Variants in SLF2 observed in about 807,000 individuals in gnomAD.
SLF2 encodes the protein SMC5-SMC6 complex localization factor protein 2.
In SLF2, 68 loss-of-function variants were observed where a neutral mutation model predicts 124.3. That is an observed-to-expected ratio of 0.55 (90% CI 0.45 to 0.67). The LOEUF (loss-of-function observed/expected upper bound fraction) is 0.67, where lower values mean the gene tolerates loss of function less well. Among genes scored for constraint, SLF2 ranks in the 30% least tolerant of loss-of-function variants. The pLI, the probability that SLF2 is intolerant of heterozygous loss-of-function variation, is 0.00. For synonymous variants in SLF2, 480 were observed against 478.8 expected (o/e 1.00, Z -0.03); for missense variants, 1,246 against 1,373.7 (o/e 0.91, Z 1.47).
Position 100,944,143 on chromosome 10 carries a change from T to C in SLF2, c.2757+15T>C, listed in dbSNP as rs761447815. On this transcript the variant is annotated intron_variant, in intron 12 of 19. Coordinates refer to ENST00000238961, the MANE Select transcript of SLF2 (RefSeq NM_018121.4). The stretch of plus-strand genomic sequence containing the variant: ...ATGTGGTTAAGGTAGGAAAGAACTT[T>C]TATGTGTCTTCTGCTCAGAGCTAGA... The C allele has an allele frequency of 1.4e-5, 21 of 1,502,918 alleles. No homozygotes were observed. The highest frequency in any genetic ancestry group is 1.8e-5 in the Non-Finnish European group (20 of 1,082,886). 93.1% of individuals were successfully genotyped at this position (1,502,918 alleles called of 1,614,324 possible).
intron 13 of SLF2, among the ~76,000 whole-genome samples, chr10:100,946,114 T>C (rs927575995): frequency 2.0e-5 from 3 of 152,184 alleles, no homozygotes; most frequent in African/African-American, 7.2e-5. Context: ...TTCAGTCTTT[T>C]TTGGTGGAAA....
Position 100,929,990 on chromosome 10 carries a change from ATTC to A in SLF2, c.2329_2331del (p.Leu777del). Reference sequence around the variant, plus strand: ...TGGACAAAGTGCTGTAGAAAAACTTATTCTTAAGTAAGTAGAAAAATAGACATT... The same window carrying A: ...TGGACAAAGTGCTGTAGAAAAACTTATTAAGTAAGTAGAAAAATAGACATT... On this transcript the variant is annotated inframe_deletion, in exon 8 of 20. Coordinates refer to ENST00000238961, the MANE Select transcript of SLF2 (RefSeq NM_018121.4). 6.6e-7 allele frequency: 1 copy of A among 1,515,488 alleles called. No homozygotes were observed. The highest frequency in any genetic ancestry group is 1.3e-5 in the South Asian group (1 of 75,516). The allele number at this position is 1,515,488 out of a possible 1,614,324, so 93.9% of individuals were successfully genotyped here. A position where few individuals can be genotyped will look rare whatever the true frequency, so the allele number is the denominator to read the frequency against.
chr10:100,927,620 T>G (rs542112135), intron 6 of SLF2, among the ~76,000 whole-genome samples: 2 of 152,352 alleles, frequency 1.3e-5, no homozygotes, highest in Non-Finnish European at 2.9e-5. Context: ...GTGGACTTAC[T>G]GGATTATATG....
chr10:100,928,079 C>CAGAGAGAGAGAGAGAGAGAGAG (rs71013474), intron 6 of SLF2, among the ~76,000 whole-genome samples: 3 of 113,026 alleles, frequency 2.7e-5, no homozygotes, highest in African/African-American at 1.1e-4. Context: ...GAGAGAGAGA[C>CAGAGAGAGAGAGAGAGAGAGAG]AGAGAGAGAG....
In SLF2 at chr10:100,916,783, G is replaced by A. The variant is rs367671496; in HGVS notation, c.398G>A (p.Arg133Gln). Residue 133 changes from arginine (R) to glutamine (Q), a missense_variant, in exon 3 of 20, where the codon CGG becomes CAG. Transcript: ENST00000238961. Reference sequence around the variant, plus strand: ...GATCATGGTATACATGAGTCACGTCGGCCTTGTCTGTCACTAGCCTCCAAA... The same window carrying A: ...GATCATGGTATACATGAGTCACGTCAGCCTTGTCTGTCACTAGCCTCCAAA... ...HEDHGIHESR[R>Q]PCLSLASKYL... 8.7e-6 allele frequency: 14 copies of A among 1,613,398 alleles called. No homozygotes were observed. The highest frequency in any genetic ancestry group is 4.0e-5 in the African/African-American group (3 of 74,790).
At chr10:100,956,723 A>G (rs1385673747) in intron 18 of SLF2, among the ~76,000 whole-genome samples, 186 bp downstream of exon 18, 2 of 152,090 alleles carry the variant, frequency 1.3e-5, no homozygotes, top group Non-Finnish European at 2.9e-5. Flanking sequence ...CCAGGAGTTC[A>G]AGACCAGCCT....
rs760993696 is a variant in SLF2 at position 100,916,780 on chromosome 10, G to A, written c.395G>A (p.Arg132His). 11 of 1,613,322 alleles carry A rather than the reference G, an allele frequency of 6.8e-6. 1 individual carries two copies. In the South Asian group the frequency reaches 7.7e-5, roughly 11 times the overall value. ...HHEDHGIHESRRPCLSLASKY... is the reference protein window; with the variant it reads ...HHEDHGIHESHRPCLSLASKY... ...GAAGATCATGGTATACATGAGTCAC[G>A]TCGGCCTTGTCTGTCACTAGCCTCC... Residue 132 changes from arginine to histidine, a missense_variant, in exon 3 of 20, where the codon CGT becomes CAT. By Grantham distance (29) the Arg-to-His change is conservative. Transcript: ENST00000238961.
chr10:100,934,345 C>G (rs949998965), intron 9 of SLF2, among the ~76,000 whole-genome samples: 1 of 152,178 alleles, frequency 6.6e-6, no homozygotes, highest in Non-Finnish European at 1.5e-5. Flanking sequence ...TACTCCTTTA[C>G]ACATTTACTT....
At chr10:100,925,068 A>G (rs1220116860) in intron 5 of SLF2, 96 bp downstream of exon 5, 2 of 1,233,560 alleles carry the variant, frequency 1.6e-6, no homozygotes, top group Non-Finnish European at 2.2e-6. Context: ...AAAATTTAGT[A>G]TTTATTATAA....
intron 11 of SLF2, among the ~76,000 whole-genome samples, chr10:100,942,945 G>C (rs909952160): frequency 1.8e-5 from 2 of 108,198 alleles, no homozygotes; most frequent in South Asian, 6.4e-4. Flanking sequence ...CTCATCATTT[G>C]ATGCCTTAGC....
At position 100,963,424 on chromosome 10, in the gene SLF2, A is replaced by C. The variant is rs928993641; in HGVS notation, c.*1512A>C. 6.6e-6 allele frequency: 1 copy of C among 152,532 alleles called. No homozygotes were observed. Among genetic ancestry groups the C allele is most frequent in the African/African-American group, 2.4e-5 (1 of 41,406 alleles). The allele number at this position is 152,532 out of a possible 1,614,324, so 9.4% of individuals were successfully genotyped here. ...GAGGCTCCAAGAGTCAGACCAACAAAAGTTTTATTCTGTGTTGTTTACTGG... is the reference window on the plus strand; with the variant it reads ...GAGGCTCCAAGAGTCAGACCAACAACAGTTTTATTCTGTGTTGTTTACTGG... On this transcript the variant is annotated 3_prime_UTR_variant, in exon 20 of 20. Transcript: ENST00000238961.
intron 11 of SLF2, among the ~76,000 whole-genome samples, chr10:100,940,876 C>T (rs937219002): frequency 3.6e-5 from 5 of 139,282 alleles, no homozygotes; most frequent in African/African-American, 1.3e-4. Flanking sequence ...TGGTCTGTCA[C>T]TGAGGCTGGA....
Position 100,913,128 on chromosome 10 carries a change from G to C in SLF2, c.18G>C (p.Met6Ile). 1 of 1,613,236 alleles carries C rather than the reference G, an allele frequency of 6.2e-7. No homozygotes were observed. The highest frequency in any genetic ancestry group is 8.5e-7 in the Non-Finnish European group (1 of 1,179,738). The change falls in exon 1 of 20, where the codon ATG becomes ATC. Residue 6 changes from methionine to isoleucine, a missense_variant. Around this residue, in one of 3 missense-constraint regions of SLF2, gnomAD observed 698 missense variants for 708.9 expected, o/e 0.98. Coordinates refer to ENST00000238961, the MANE Select transcript of SLF2 (RefSeq NM_018121.4). MTRRC[M>I]PARPGFPSSP... is the part of the protein sequence containing the mutation. ...GCGCCGACATGACAAGGCGCTGCAT[G>C]CCCGCTAGGCCAGGTTTCCCCTCAT...
At position 100,929,352 on chromosome 10, in the gene SLF2, T is replaced by G. The variant is rs756579104; in HGVS notation, c.2078T>G (p.Ile693Arg). ...DELQKQLQED[I>R]RQGRGIKSPI... ...CTGCAGAAGCAACTACAAGAAGACA[T>G]AAGGCAAGGCCGAGGCATTAAATCC... Residue 693 changes from isoleucine (I) to arginine (R), a missense_variant, in exon 7 of 20, where the codon ATA (isoleucine) becomes AGA (arginine). Around this residue, in one of 3 missense-constraint regions of SLF2, gnomAD observed 535 missense variants for 632.8 expected, o/e 0.85. Coordinates refer to ENST00000238961, the MANE Select transcript of SLF2 (RefSeq NM_018121.4). 6.2e-7 allele frequency: 1 copy of G among 1,613,088 alleles called. No homozygotes were observed. The highest frequency in any genetic ancestry group is 1.1e-5 in the South Asian group (1 of 91,004).
At chr10:100,929,566 T>A (rs547529229) in intron 7 of SLF2, 127 bp downstream of exon 7, 3 of 897,390 alleles carry the variant, frequency 3.3e-6, no homozygotes, top group Admixed American at 3.3e-5. Context: ...CTGTCTGTAA[T>A]GGGTTTGAAA....
At chr10:100,940,414 C>T (rs1032922785) in intron 11 of SLF2, among the ~76,000 whole-genome samples, 1 of 152,136 alleles carries the variant, frequency 6.6e-6, no homozygotes, top group Admixed American at 6.5e-5. Context: ...GGCTGGAGTG[C>T]AGTGACACAA....
rs764257603 is a variant in SLF2, at chr10:100,947,026, T to C, written c.2935-13T>C. 6.2e-7 allele frequency: 1 copy of C among 1,604,290 alleles called. No homozygotes were observed. Among genetic ancestry groups the C allele is most frequent in the Non-Finnish European group, 8.5e-7 (1 of 1,171,250 alleles). ...CTGTTTGAAAAGAAATCTTACATGT[T>C]CTTTTTTTTCAGGTGCCTGAACTCT... On this transcript the variant is annotated splice_polypyrimidine_tract_variant and intron_variant, in intron 13 of 19. Coordinates refer to ENST00000238961, the MANE Select transcript of SLF2 (RefSeq NM_018121.4).
chr10:100,935,055 A>T (rs570306390), intron 9 of SLF2, among the ~76,000 whole-genome samples: 73 of 152,180 alleles, frequency 4.8e-4, no homozygotes, highest in African/African-American at 1.3e-3. Flanking sequence ...ATTTAAAAAA[A>T]TTTTTTTTAA....
chr10:100,950,643 C>A, intron 16 of SLF2, 33 bp from the exon 17 acceptor site: 2 of 1,545,508 alleles, frequency 1.3e-6, no homozygotes, highest in Non-Finnish European at 1.8e-6. Context: ...CTAGCTAATT[C>A]ATAGGTGTTA....
Sources: gnomAD v4.1 joint callset for allele counts (sites outside exome capture counted in the v4.1 genomes callset) on GRCh38, gnomAD v4.1.1 for gene constraint, gnomAD v4.1.1 regional missense constraint, MANE v1.5 for transcripts, NCBI Gene and HGNC (gene_info 2026-07-23, HGNC 2026-07-21) for gene names.